The following BMP6 variants were observed in gnomAD, a reference collection of about 807,000 sequenced individuals.
BMP6 encodes the protein bone morphogenetic protein 6, also known as VG-1-R.
In BMP6, 17 loss-of-function variants were observed where a neutral mutation model predicts 54.1. The observed-to-expected ratio is 0.31, with a 90% CI of 0.22 to 0.47. The LOEUF is 0.47. Among genes scored for constraint, BMP6 ranks in the 20% least tolerant of loss-of-function variants. The pLI is 1.00. For missense variants in BMP6, 720 were observed against 690.4 expected (o/e 1.04, Z -0.48); for synonymous variants, 328 against 291.2 (o/e 1.13, Z -1.28).
At chr6:7,852,844 C>CTTGAA (rs1554125104) in intron 2 of BMP6, among the ~76,000 whole-genome samples, 1 of 152,184 alleles carries the variant, frequency 6.6e-6, no homozygotes, top group African/African-American at 2.4e-5. Context: ...GAGGCCAGGA[C>CTTGAA]TTGAAGAGCC....
Position 7,861,473 on chromosome 6 carries a change from G to A in BMP6, c.880G>A (p.Asp294Asn), listed in dbSNP as rs1348394961. The A allele has an allele frequency of 6.2e-7, 1 of 1,613,474 alleles. No individual in the cohort carries two copies. The highest frequency in any genetic ancestry group is 2.2e-5 in the East Asian group (1 of 44,884). ...CAGAGACTCTGACCTGTTTTTGTTG[G>A]ACACCCGTGTAGTATGGGCCTCAGA... ...QHRDSDLFLL[D>N]TRVVWASEEG... The change falls in exon 3 of 7, where the codon GAC becomes AAC. Residue 294 changes from aspartate to asparagine, a missense_variant. By Grantham distance (23) the Asp-to-Asn change is conservative. Coordinates refer to ENST00000283147, the MANE Select transcript of BMP6 (RefSeq NM_001718.6).
intron 1 of BMP6, among the ~76,000 whole-genome samples, chr6:7,810,864 G>C (rs1270063564): frequency 2.0e-5 from 3 of 152,316 alleles, no homozygotes; most frequent in African/African-American, 7.2e-5. Flanking sequence ...GTCTCTGAGA[G>C]GAAACATCCT....
chr6:7,823,498 A>G (rs1313683718), intron 1 of BMP6, among the ~76,000 whole-genome samples: 1 of 152,228 alleles, frequency 6.6e-6, no homozygotes, highest in Admixed American at 6.5e-5. Context: ...AAGAGGTAAC[A>G]ATAAATTAAT....
chr6:7,814,660 C>A (rs533427145), intron 1 of BMP6, among the ~76,000 whole-genome samples: 4 of 152,280 alleles, frequency 2.6e-5, no homozygotes, highest in Admixed American at 2.6e-4. Flanking sequence ...ATGTGAGGGT[C>A]AGGAGGCCAA....
Position 7,838,981 on chromosome 6 carries a change from G to A in BMP6, c.665-6159G>A, listed in dbSNP as rs183605371. ...AAAAAAAGACTGTCCTTAGCTGTAG[G>A]GATCTTTTTAATATACACTCATTAT... On this transcript the variant is annotated intron_variant, in intron 1 of 6. Transcript: ENST00000283147. 1.4e-4 allele frequency among the ~76,000 whole-genome samples: 21 copies of A among 151,822 alleles called. No individual in the cohort carries two copies. In the East Asian group the frequency reaches 3.9e-3, roughly 28 times the overall value.
rs78637214 is a variant in BMP6, at chr6:7,764,012, C to T, written c.664+36393C>T. Among the ~76,000 whole-genome samples, 1,512 of 152,284 alleles carry T rather than the reference C, an allele frequency of 9.9e-3. 9 individuals are homozygous for T. Among genetic ancestry groups the T allele is most frequent in the Non-Finnish European group, 0.013 (875 of 68,020 alleles). ...CAAACACAGCTGTTGAGTGAAGGAT[C>T]CGTCTTCAGAAATGGTGAAAAAACA... On this transcript the variant is annotated intron_variant, in intron 1 of 6. Coordinates refer to ENST00000283147, the MANE Select transcript of BMP6 (RefSeq NM_001718.6).
At chr6:7,870,241 G>A (rs977586071) in intron 4 of BMP6, among the ~76,000 whole-genome samples, 2 of 152,192 alleles carry the variant, frequency 1.3e-5, no homozygotes, top group African/African-American at 4.8e-5. Context: ...GCTTTATTCC[G>A]AGGTGAATTC....
intron 1 of BMP6, among the ~76,000 whole-genome samples, chr6:7,797,365 A>T (rs1009297823): frequency 6.6e-6 from 1 of 152,218 alleles, no homozygotes; most frequent in Non-Finnish European, 1.5e-5. Flanking sequence ...TAGTCGCTTC[A>T]GCTTTCTCTT....
At chr6:7,861,747 A>G (rs1386350763) in intron 3 of BMP6, 148 bp downstream of exon 3, 15 of 1,250,168 alleles carry the variant, frequency 1.2e-5, no homozygotes, top group South Asian at 6.0e-5. Context: ...ACTTGCATTG[A>G]GAACCAAAAC....
chr6:7,745,517 T>G (rs1400213147), intron 1 of BMP6, among the ~76,000 whole-genome samples: 1 of 152,226 alleles, frequency 6.6e-6, no homozygotes, highest in Non-Finnish European at 1.5e-5. Context: ...GGGATCCTCC[T>G]ACCTTGTCTT....
chr6:7,803,206 G>A (rs990955571), intron 1 of BMP6, among the ~76,000 whole-genome samples: 3 of 152,128 alleles, frequency 2.0e-5, no homozygotes, highest in Non-Finnish European at 2.9e-5. Context: ...TAGAAAGACC[G>A]TGACTGGCTC....
chr6:7,866,353 C>T (rs1361286093), intron 4 of BMP6, among the ~76,000 whole-genome samples: 1 of 152,248 alleles, frequency 6.6e-6, no homozygotes, highest in Admixed American at 6.5e-5. Context: ...GCTGCTCTTG[C>T]AACACCTGTC....
intron 1 of BMP6, among the ~76,000 whole-genome samples, chr6:7,747,826 T>C (rs76750084): frequency 3.3e-5 from 5 of 151,698 alleles, no homozygotes; most frequent in Admixed American, 6.6e-5. Flanking sequence ...TTTTTTTTTT[T>C]GTAGAGATGG....
At chr6:7,833,487 C>T (rs187328794) in intron 1 of BMP6, among the ~76,000 whole-genome samples, 2 of 152,028 alleles carry the variant, frequency 1.3e-5, no homozygotes, top group Admixed American at 1.3e-4. Context: ...GCTCCAAGTG[C>T]GAGAGACATC....
At chr6:7,809,669 T>C (rs1758406921) in intron 1 of BMP6, among the ~76,000 whole-genome samples, 1 of 152,184 alleles carries the variant, frequency 6.6e-6, no homozygotes, top group Non-Finnish European at 1.5e-5. Context: ...AGCTTCAGAC[T>C]CCGTAAAATA....
intron 1 of BMP6, among the ~76,000 whole-genome samples, chr6:7,738,353 A>G (rs1761993372): frequency 6.6e-6 from 1 of 152,110 alleles, no homozygotes; most frequent in Non-Finnish European, 1.5e-5. Flanking sequence ...GAGGGACCCT[A>G]GGAGGCTGCG....
chr6:7,754,601 T>C (rs1757483910), intron 1 of BMP6, among the ~76,000 whole-genome samples: 1 of 152,258 alleles, frequency 6.6e-6, no homozygotes, highest in South Asian at 2.1e-4. Context: ...TTGATTATTC[T>C]CTTTGTCCTT....
intron 1 of BMP6, among the ~76,000 whole-genome samples, chr6:7,833,195 G>A (rs1221233977): frequency 2.0e-5 from 3 of 152,140 alleles, no homozygotes; most frequent in East Asian, 1.9e-4. Context: ...AGCATCCAAC[G>A]GTGTGCTCTC....
rs142239779 is a variant in BMP6 at position 7,874,059 on chromosome 6, G to A, written c.1205-5015G>A. Reference sequence around the variant, plus strand: ...CAGGACACCTTTAGGAGCGCAGGGCGTTAGGACCTTGGGGTCTTCAGGAGA... The same window carrying A: ...CAGGACACCTTTAGGAGCGCAGGGCATTAGGACCTTGGGGTCTTCAGGAGA... On this transcript the variant is annotated intron_variant, in intron 4 of 6. Transcript: ENST00000283147. Among the ~76,000 whole-genome samples the A allele has an allele frequency of 1.9e-4, 29 of 152,246 alleles. No individual in the cohort carries two copies. In the East Asian group the frequency reaches 2.3e-3, roughly 12 times the overall value.
Sources: gnomAD v4.1 joint callset for allele counts (sites outside exome capture counted in the v4.1 genomes callset) on GRCh38, gnomAD v4.1.1 for gene constraint, MANE v1.5 for transcripts, NCBI Gene and HGNC (gene_info 2026-07-23, HGNC 2026-07-21) for gene names.